Variants in PCDHGA4 observed in about 807,000 individuals in gnomAD.
PCDHGA4 encodes the protein protocadherin gamma subfamily A, 4.
A neutral mutation model predicts 54.6 loss-of-function variants in PCDHGA4; 38 were observed. That is an observed-to-expected ratio of 0.70 (90% CI 0.54 to 0.91). The LOEUF is 0.91. Ranked by LOEUF, PCDHGA4 falls within the 40% of genes least tolerant of loss-of-function variation. PCDHGA4 has a pLI of 0.00. For missense variants in PCDHGA4, 1,298 were observed against 1,220.9 expected (o/e 1.06, Z -0.94); for synonymous variants, 511 against 512.9 (o/e 1.00, Z 0.05).
chr5:141,502,516 A>G (rs947349505), intron 2 of PCDHGA4, among the ~76,000 whole-genome samples: 1 of 152,146 alleles, frequency 6.6e-6, no homozygotes, highest in African/African-American at 2.4e-5. Flanking sequence ...TCCCACTATC[A>G]GTGATGCCGA....
intron 1 of PCDHGA4, among the ~76,000 whole-genome samples, chr5:141,443,858 T>C (rs1325927807): frequency 6.6e-6 from 1 of 152,162 alleles, no homozygotes; most frequent in Non-Finnish European, 1.5e-5. Context: ...GTCTGAAAAC[T>C]GAAAAAATTA....
chr5:141,361,879 G>A (rs755410945), intron 1 of PCDHGA4: 5 of 1,610,512 alleles, frequency 3.1e-6, no homozygotes, highest in South Asian at 1.1e-5. Context: ...GCCACGCGCC[G>A]CAGAGCCCGG....
At position 141,375,614 on chromosome 5, in the gene PCDHGA4, A is replaced by C. The variant is rs904386299; in HGVS notation, c.2514+17993A>C. The C allele has an allele frequency of 1.9e-6, 3 of 1,614,060 alleles. No individual in the cohort carries two copies. The highest frequency in any genetic ancestry group is 1.7e-5 in the Admixed American group (1 of 60,008). Reference sequence around the variant, plus strand: ...CTCCTACGTGTCCATCAACTCCGACACTGGGATTCTGTACGCCCTGCGCTC... The same window carrying C: ...CTCCTACGTGTCCATCAACTCCGACCCTGGGATTCTGTACGCCCTGCGCTC... On this transcript the variant is annotated intron_variant, in intron 1 of 3. Transcript: ENST00000571252.
rs1022748155 is a variant in PCDHGA4, at chr5:141,355,704, G to C, written c.597G>C (p.Gln199His). Residue 199 changes from glutamine (Q) to histidine (H), a missense_variant, in exon 1 of 4, where the codon CAG becomes CAC. Physicochemically the swap from Gln to His is conservative, Grantham distance 24 (BLOSUM62 0). Transcript: ENST00000571252. The part of the protein sequence containing the change: ...FDPDVGVNSL[Q>H]GYQLNSNGYF... ...CGGATGTAGGTGTAAACTCCCTGCA[G>C]GGTTACCAGCTCAACTCAAACGGTT... 1 of 1,613,986 alleles carries C rather than the reference G, an allele frequency of 6.2e-7. No individual in the cohort carries two copies. Among genetic ancestry groups the C allele is most frequent in the Admixed American group, 1.7e-5 (1 of 60,020 alleles).
intron 2 of PCDHGA4, among the ~76,000 whole-genome samples, chr5:141,499,283 G>T (rs1460838051): frequency 6.6e-6 from 1 of 152,066 alleles, no homozygotes; most frequent in Non-Finnish European, 1.5e-5. Context: ...TTCTCTGATG[G>T]CTCCACACTA....
rs1033888717 is a variant in PCDHGA4 at position 141,512,540 on chromosome 5, T to C, written c.*1367T>C. 6.5e-6 allele frequency: 1 copy of C among 152,886 alleles called. No homozygotes were observed. Among genetic ancestry groups the C allele is most frequent in the African/African-American group, 2.4e-5 (1 of 41,476 alleles). 9.5% of individuals were successfully genotyped at this position (152,886 alleles called of 1,614,324 possible). ...CCATAGCCTGGTTAAAGTTCCCCAGTGCCTCCTTGTGCATAGACCTTCTTC... is the reference window on the plus strand; with the variant it reads ...CCATAGCCTGGTTAAAGTTCCCCAGCGCCTCCTTGTGCATAGACCTTCTTC... On this transcript the variant is annotated 3_prime_UTR_variant, in exon 4 of 4. Transcript: ENST00000571252.
At chr5:141,422,597 C>T in intron 1 of PCDHGA4, 1 of 1,614,102 alleles carries the variant, frequency 6.2e-7, no homozygotes, top group Non-Finnish European at 8.5e-7. Context: ...CCTCACTCCT[C>T]TTACTCTGCC....
chr5:141,379,313 AG>A (rs1433876569), intron 1 of PCDHGA4: 2 of 152,264 alleles, frequency 1.3e-5, no homozygotes, highest in Non-Finnish European at 2.9e-5. Context: ...CCTAAACAAG[AG>A]ATCTAATCAT....
In PCDHGA4 at chr5:141,512,926, T is replaced by C. The variant is rs1438111849; in HGVS notation, c.*1753T>C. The C allele has an allele frequency of 6.6e-6, 1 of 152,216 alleles. No homozygotes were observed. The highest frequency in any genetic ancestry group is 1.5e-5 in the Non-Finnish European group (1 of 68,048). 9.4% of individuals were successfully genotyped at this position (152,216 alleles called of 1,614,324 possible). A position where few individuals can be genotyped will look rare whatever the true frequency, so the allele number is the denominator to read the frequency against. On this transcript the variant is annotated 3_prime_UTR_variant, in exon 4 of 4. Coordinates refer to ENST00000571252, the MANE Select transcript of PCDHGA4 (RefSeq NM_018917.4). ...CGCAAGTTTTATACTCTAATATTTA[T>C]ATGGCTTTTTTTCTTCGACAAAAAA...
intron 1 of PCDHGA4, among the ~76,000 whole-genome samples, chr5:141,443,787 A>C (rs957552086): frequency 3.3e-5 from 5 of 152,222 alleles, no homozygotes; most frequent in African/African-American, 1.2e-4. Flanking sequence ...AAGACAAAAA[A>C]AATGAAAAGG....
rs759872200 is a variant in PCDHGA4, at chr5:141,355,887, CATA to C, written c.784_786del (p.Ile262del). On this transcript the variant is annotated inframe_deletion, in exon 1 of 4. Coordinates refer to ENST00000571252, the MANE Select transcript of PCDHGA4 (RefSeq NM_018917.4). ...TTCGCTCTGGCACTGCCAGGATTCT[CATA>C]ATACTTGTGGATACCAACGATAATG... 17 of 1,613,492 alleles carry C rather than the reference CATA, an allele frequency of 1.1e-5. No homozygotes were observed. The highest frequency in any genetic ancestry group is 1.4e-5 in the Non-Finnish European group (16 of 1,179,720).
intron 1 of PCDHGA4, chr5:141,372,762 A>G (rs1769049237): frequency 6.2e-7 from 1 of 1,612,570 alleles, no homozygotes; most frequent in South Asian, 1.1e-5. Flanking sequence ...TTGGTTTGAA[A>G]GTAATGACAA....
intron 1 of PCDHGA4, chr5:141,395,542 T>G (rs1357533541): frequency 1.8e-5 from 3 of 170,278 alleles, no homozygotes; most frequent in South Asian, 8.8e-5. Context: ...TTGCTATTGT[T>G]TGTGTGTGTG....
chr5:141,377,109 G>A (rs1437857373), intron 1 of PCDHGA4: 2 of 152,368 alleles, frequency 1.3e-5, no homozygotes, highest in Admixed American at 1.3e-4. Flanking sequence ...TCAAAAGAAT[G>A]TTCTGAAGTC....
chr5:141,364,417 G>A, intron 1 of PCDHGA4: 1 of 1,613,362 alleles, frequency 6.2e-7, no homozygotes. Context: ...CAGGATCCGG[G>A]CAGATCCGCT....
At chr5:141,403,960 G>A (rs775638627) in intron 1 of PCDHGA4, 10 of 1,613,658 alleles carry the variant, frequency 6.2e-6, no homozygotes, top group East Asian at 4.5e-5. Flanking sequence ...TGCTCATTTC[G>A]GTGGAAGATG....
intron 1 of PCDHGA4, chr5:141,365,023 G>C (rs775697621): frequency 6.8e-6 from 11 of 1,613,854 alleles, no homozygotes; most frequent in Non-Finnish European, 9.3e-6. Context: ...TCCGTGTTAC[G>C]GTCCTCGACG....
rs1007318194 is a variant in PCDHGA4, at chr5:141,512,035, T to G, written c.*862T>G. On this transcript the variant is annotated 3_prime_UTR_variant, in exon 4 of 4. Coordinates refer to ENST00000571252, the MANE Select transcript of PCDHGA4 (RefSeq NM_018917.4). ...AAGTTATCAAGGCCTTGGAGGAGGC[T>G]CTGTATGTCCTCAGGGGACTGACAA... 1.3e-5 allele frequency: 2 copies of G among 152,870 alleles called. No individual in the cohort carries two copies. Among genetic ancestry groups the G allele is most frequent in the African/African-American group, 4.8e-5 (2 of 41,464 alleles). The allele number at this position is 152,870 out of a possible 1,614,324, so 9.5% of individuals were successfully genotyped here.
rs745612756 is a variant in PCDHGA4 at position 141,487,150 on chromosome 5, T to C, written c.2515-7657T>C. The C allele has an allele frequency of 1.1e-5, 17 of 1,613,960 alleles. No individual in the cohort carries two copies. In the South Asian group the frequency reaches 1.6e-4, roughly 16 times the overall value. On this transcript the variant is annotated intron_variant, in intron 1 of 3. Transcript: ENST00000571252. This position sits in a 1 kb window ranked among gnomAD's most constrained non-coding sequence, Gnocchi z 5.0. The stretch of plus-strand genomic sequence containing the variant: ...GTAGTCCACCACTCTCTACCTCTGT[T>C]ACTCTCTTAGTGTCCTTAGAGGAAG...
Sources: gnomAD v4.1 joint callset for allele counts (sites outside exome capture counted in the v4.1 genomes callset) on GRCh38, gnomAD v4.1.1 for gene constraint, Gnocchi (gnomAD v3.1) non-coding constraint, MANE v1.5 for transcripts, NCBI Gene and HGNC (gene_info 2026-07-23, HGNC 2026-07-21) for gene names.